Variants in HINFP observed in about 807,000 individuals in gnomAD.
The protein encoded by HINFP is histone H4 transcription factor, also known as MBD2 (methyl-CpG-binding protein)-interacting zinc finger protein.
Under a neutral mutation model 50.1 loss-of-function variants are expected in HINFP, and 20 were observed. The observed-to-expected ratio is 0.40, with a 90% CI of 0.28 to 0.58. The LOEUF (loss-of-function observed/expected upper bound fraction) is 0.58, where lower values mean the gene tolerates loss of function less well. HINFP is among the 20% of genes least tolerant of loss of function. HINFP has a pLI of 0.45. For synonymous variants in HINFP, 247 were observed against 243.7 expected (o/e 1.01, Z -0.13); for missense variants, 505 against 664.1 (o/e 0.76, Z 2.63).
rs59395600 is a variant in HINFP, at chr11:119,129,490, C to CTTTTTTTTTTTTTTTTT, written c.182-1220_182-1219insTTTTTTTTTTTTTTTTT. 6.4e-4 allele frequency among the ~76,000 whole-genome samples: 79 copies of CTTTTTTTTTTTTTTTTT among 124,140 alleles called. 2 individuals are homozygous for CTTTTTTTTTTTTTTTTT. Among genetic ancestry groups the CTTTTTTTTTTTTTTTTT allele is most frequent in the African/African-American group, 1.9e-3 (62 of 32,608 alleles). The allele number at this position is 124,140 out of a possible 152,430, so 81.4% of individuals were successfully genotyped here. A position where few individuals can be genotyped will look rare whatever the true frequency, so the allele number is the denominator to read the frequency against. Reference sequence around the variant, plus strand: ...TCTGGCAGGAATACATTTTTCTTTTCTTTTTTTTTTTTTTTGTGGGAGTGC... The same window carrying CTTTTTTTTTTTTTTTTT: ...TCTGGCAGGAATACATTTTTCTTTTCTTTTTTTTTTTTTTTTTTTTTTTTTTTTTTTTGTGGGAGTGC... On this transcript the variant is annotated intron_variant, in intron 2 of 9. Coordinates refer to ENST00000350777, the MANE Select transcript of HINFP (RefSeq NM_198971.3).
Position 119,132,739 on chromosome 11 carries a change from A to T in HINFP, c.833A>T (p.His278Leu), listed in dbSNP as rs1219386381. 1 of 1,613,688 alleles carries T rather than the reference A, an allele frequency of 6.2e-7. No individual in the cohort carries two copies. The highest frequency in any genetic ancestry group is 8.5e-7 in the Non-Finnish European group (1 of 1,180,036). Residue 278 changes from histidine (H) to leucine (L), a missense_variant, in exon 7 of 10, where the codon CAC becomes CTC. Coordinates refer to ENST00000350777, the MANE Select transcript of HINFP (RefSeq NM_198971.3). ...CTCCGCAACCACATGCGCTTTCGTC[A>T]CAGTGAGGACCGGCCCTTTAAATGT... ...SSLRNHMRFR[H>L]SEDRPFKCDC...
chr11:119,126,983 G>A lies in HINFP; in HGVS notation c.39G>A (p.Leu13=). 1 of 1,613,920 alleles carries A rather than the reference G, an allele frequency of 6.2e-7. No individual in the cohort carries two copies. The highest frequency in any genetic ancestry group is 8.5e-7 in the Non-Finnish European group (1 of 1,179,944). Residue 13 remains leucine, a synonymous_variant, in exon 2 of 10, where the codon CTG becomes CTA. Coordinates refer to ENST00000350777, the MANE Select transcript of HINFP (RefSeq NM_198971.3). Reference sequence around the variant, plus strand: ...GGAAAGTTCCCCGAAAGGAGAATCTGTGGCTACAGTGTGAGTGGGGGTCCT... The same window carrying A: ...GGAAAGTTCCCCGAAAGGAGAATCTATGGCTACAGTGTGAGTGGGGGTCCT... ...PPGKVPRKEN[L]WLQCEWGSCS...
chr11:119,128,092 TC>T (rs1177666385), intron 2 of HINFP, among the ~76,000 whole-genome samples: 2 of 152,122 alleles, frequency 1.3e-5, no homozygotes, highest in Non-Finnish European at 2.9e-5. Flanking sequence ...GATCTCATGA[TC>T]CGCCCACCTC....
chr11:119,131,370 T>G lies in HINFP; in HGVS notation c.412-165T>G. ...TCTCAAAGTGCTGGGATTACAGGGT[T>G]TAGCAACCGCACCCGGCCACTCCTC... On this transcript the variant is annotated intron_variant, in intron 3 of 9. Coordinates refer to ENST00000350777, the MANE Select transcript of HINFP (RefSeq NM_198971.3). The surrounding 1 kb of genome is among the most constrained non-coding windows in gnomAD (Gnocchi z 4.2). 1 of 635,752 alleles carries G rather than the reference T, an allele frequency of 1.6e-6. No homozygotes were observed. The highest frequency in any genetic ancestry group is 2.3e-5 in the Admixed American group (1 of 43,872). The allele number at this position is 635,752 out of a possible 1,614,324, so 39.4% of individuals were successfully genotyped here.
At position 119,132,700 on chromosome 11, in the gene HINFP, C is replaced by T. The variant is rs777150630; in HGVS notation, c.794C>T (p.Pro265Leu). ...YKCPLCDMTC[P>L]LPSSLRNHMR... ...TGCCCTCTGTGTGACATGACCTGCC[C>T]GCTGCCTTCCTCCCTCCGCAACCAC... The change falls in exon 7 of 10, where the codon CCG (proline) becomes CTG (leucine). Residue 265 changes from proline to leucine, a missense_variant. Transcript: ENST00000350777. 5 of 1,613,996 alleles carry T rather than the reference C, an allele frequency of 3.1e-6. No individual in the cohort carries two copies. Among genetic ancestry groups the T allele is most frequent in the East Asian group, 4.5e-5 (2 of 44,884 alleles).
chr11:119,128,562 A>G lies in HINFP; in HGVS notation c.181+1437A>G, dbSNP rs887992272. 1.3e-5 allele frequency among the ~76,000 whole-genome samples: 2 copies of G among 150,692 alleles called. 1 individual carries two copies. Among genetic ancestry groups the G allele is most frequent in the Admixed American group, 1.3e-4 (2 of 15,188 alleles). On this transcript the variant is annotated intron_variant, in intron 2 of 9. Transcript: ENST00000350777. Reference sequence around the variant, plus strand: ...AGCCTGGTCTTGAACTCCTGACCTCAGGTGATCCGCCCGCCTCAGCCTCCC... The same window carrying G: ...AGCCTGGTCTTGAACTCCTGACCTCGGGTGATCCGCCCGCCTCAGCCTCCC...
chr11:119,133,384 G>A (rs1947890865), intron 9 of HINFP, 165 bp downstream of exon 9: 21 of 753,062 alleles, frequency 2.8e-5, no homozygotes, highest in Non-Finnish European at 4.5e-5. Context: ...TTCGAGACCA[G>A]CCTGGCCAAC....
intron 5 of HINFP, 102 bp downstream of exon 5, chr11:119,132,084 G>T: frequency 7.5e-7 from 1 of 1,332,390 alleles, no homozygotes; most frequent in Non-Finnish European, 1.0e-6. Flanking sequence ...CCTGCCTTTT[G>T]GCTGCCTCTT....
In HINFP at chr11:119,134,207, G is replaced by C. The variant is rs1255535127; in HGVS notation, c.1263G>C (p.Glu421Asp). Residue 421 changes from glutamate to aspartate, a missense_variant, in exon 10 of 10, where the codon GAG becomes GAC. By Grantham distance (45) the Glu-to-Asp change is conservative. Transcript: ENST00000350777. The surrounding 1 kb of genome is among the most constrained non-coding windows in gnomAD (Gnocchi z 4.3). The part of the protein sequence containing the change: ...EGSGLGTSLN[E>D]SSLQGIILET... ...CGGGCCTGGGAACGTCGCTGAACGA[G>C]AGCAGCCTGCAGGGCATTATTCTAG... The C allele has an allele frequency of 6.2e-7, 1 of 1,614,238 alleles. No individual in the cohort carries two copies. Among genetic ancestry groups the C allele is most frequent in the East Asian group, 2.2e-5 (1 of 44,892 alleles).
At chr11:119,127,651 C>T (rs1029171800) in intron 2 of HINFP, among the ~76,000 whole-genome samples, 4 of 151,906 alleles carry the variant, frequency 2.6e-5, no homozygotes, top group African/African-American at 9.7e-5. Context: ...GATCCTCCTG[C>T]CTCAACCTCC....
chr11:119,128,632 C>CT (rs543885380), intron 2 of HINFP, among the ~76,000 whole-genome samples: 2 of 151,950 alleles, frequency 1.3e-5, no homozygotes, highest in East Asian at 3.9e-4. Flanking sequence ...CCGGCCAGTA[C>CT]TTTTTTAAAC....
intron 7 of HINFP, 30 bp from the exon 8 acceptor site, chr11:119,132,834 C>G (rs1028149356): frequency 6.2e-7 from 1 of 1,614,080 alleles, no homozygotes; most frequent in Non-Finnish European, 8.5e-7. Context: ...TTCCCCATGT[C>G]CTCCAATCCC....
At chr11:119,123,162 A>C (rs1330571285) in intron 1 of HINFP, among the ~76,000 whole-genome samples, 2 of 135,966 alleles carry the variant, frequency 1.5e-5, no homozygotes, top group Non-Finnish European at 3.1e-5. Flanking sequence ...GAACTTGCGT[A>C]GGCAGAGAGT....
In HINFP at chr11:119,132,628, C is replaced by T. The variant is rs753418944; in HGVS notation, c.755-33C>T. Reference sequence around the variant, plus strand: ...CCTGCCCTCCAAGGTTCCACAAGTTCTCACATCACAGCCTCCTCTCTGCTT... The same window carrying T: ...CCTGCCCTCCAAGGTTCCACAAGTTTTCACATCACAGCCTCCTCTCTGCTT... On this transcript the variant is annotated intron_variant, in intron 6 of 9. Transcript: ENST00000350777. 28 of 1,613,982 alleles carry T rather than the reference C, an allele frequency of 1.7e-5. No homozygotes were observed. In the South Asian group the frequency reaches 3.1e-4, roughly 18 times the overall value.
Position 119,134,308 on chromosome 11 carries a change from C to T in HINFP, c.1364C>T (p.Ala455Val). The T allele has an allele frequency of 1.2e-6, 2 of 1,614,172 alleles. No individual in the cohort carries two copies. The highest frequency in any genetic ancestry group is 1.7e-6 in the Non-Finnish European group (2 of 1,179,996). ...GGTAGCGAAGGGACAGCCCTCTCAGCCTCTCAGGACAACCCCAGTTCTGTC... is the reference window on the plus strand; with the variant it reads ...GGTAGCGAAGGGACAGCCCTCTCAGTCTCTCAGGACAACCCCAGTTCTGTC... The part of the protein sequence containing the change: ...GKGSEGTALS[A>V]SQDNPSSVIH... The change falls in exon 10 of 10, where the codon GCC becomes GTC. Residue 455 changes from alanine (A) to valine (V), a missense_variant. By Grantham distance (64) the Ala-to-Val change is moderately conservative (BLOSUM62 0). Coordinates refer to ENST00000350777, the MANE Select transcript of HINFP (RefSeq NM_198971.3). The surrounding 1 kb of genome is among the most constrained non-coding windows in gnomAD (Gnocchi z 4.3).
At chr11:119,129,179 T>G (rs1321666583) in intron 2 of HINFP, among the ~76,000 whole-genome samples, 3 of 151,986 alleles carry the variant, frequency 2.0e-5, no homozygotes, top group Non-Finnish European at 4.4e-5. Context: ...TAGCTGAGAT[T>G]ACAGGTGCCC....
At position 119,134,695 on chromosome 11, in the gene HINFP, G is replaced by A; in HGVS notation, c.*197G>A. ...CTTTTCTGCCAGACTACATTTTGTG[G>A]GGAGCCTGAGGACTCTGGATTCTTT... On this transcript the variant is annotated 3_prime_UTR_variant, in exon 10 of 10. Transcript: ENST00000350777. This position sits in a 1 kb window ranked among gnomAD's most constrained non-coding sequence, Gnocchi z 4.3. 1.9e-6 allele frequency: 1 copy of A among 524,220 alleles called. No homozygotes were observed. Among genetic ancestry groups the A allele is most frequent in the South Asian group, 3.3e-5 (1 of 30,600 alleles). 32.5% of individuals were successfully genotyped at this position (524,220 alleles called of 1,614,324 possible). A position where few individuals can be genotyped will look rare whatever the true frequency, so the allele number is the denominator to read the frequency against.
At position 119,133,219 on chromosome 11, in the gene HINFP, G is replaced by A. The variant is rs1281724312; in HGVS notation, c.1139G>A (p.Arg380Gln). 2.5e-6 allele frequency: 4 copies of A among 1,613,806 alleles called. No homozygotes were observed. Among genetic ancestry groups the A allele is most frequent in the East Asian group, 2.2e-5 (1 of 44,888 alleles). ...FKWPSGHPRF[R>Q]YKEHEDGYMR... is the part of the protein sequence containing the mutation. ...TGGCCCTCAGGGCATCCCCGTTTTC[G>A]GTATGTCTCTCAACCCTCCTTCCCA... The change falls in exon 9 of 10, where the codon CGG becomes CAG. Residue 380 changes from arginine to glutamine, a missense_variant and splice_region_variant. Transcript: ENST00000350777.
At chr11:119,132,420 G>T in intron 5 of HINFP, 76 bp from the exon 6 acceptor site, 2 of 1,474,776 alleles carry the variant, frequency 1.4e-6, no homozygotes, top group Non-Finnish European at 1.9e-6. Flanking sequence ...CTTCTGCCTG[G>T]GATGGTTCCC....
Sources: gnomAD v4.1 joint callset for allele counts (sites outside exome capture counted in the v4.1 genomes callset) on GRCh38, gnomAD v4.1.1 for gene constraint, Gnocchi (gnomAD v3.1) non-coding constraint, MANE v1.5 for transcripts, NCBI Gene and HGNC (gene_info 2026-07-23, HGNC 2026-07-21) for gene names.